FER: variants seen among roughly 807,000 people sequenced by gnomAD.
The protein encoded by FER is FER tyrosine kinase.
A neutral mutation model predicts 111.0 loss-of-function variants in FER; 63 were observed. That is an observed-to-expected ratio of 0.57 (90% CI 0.46 to 0.70). The LOEUF (loss-of-function observed/expected upper bound fraction) is 0.70, where lower values mean the gene tolerates loss of function less well. FER is among the 30% of genes least tolerant of loss of function. FER has a pLI of 0.00. For missense variants in FER, 914 were observed against 954.0 expected (o/e 0.96, Z 0.55); for synonymous variants, 327 against 313.9 (o/e 1.04, Z -0.44).
intron 13 of FER, among the ~76,000 whole-genome samples, chr5:109,031,658 T>C (rs1769634963): frequency 6.6e-6 from 1 of 152,234 alleles, no homozygotes; most frequent in Admixed American, 6.5e-5. Flanking sequence ...TTGCCTTCAC[T>C]CTTCTTGTGT....
intron 8 of FER, 141 bp downstream of exon 8, chr5:108,872,353 A>C: frequency 1.4e-6 from 1 of 718,520 alleles, no homozygotes; most frequent in Non-Finnish European, 2.1e-6. Flanking sequence ...TTTGAGAAAT[A>C]TGTTAATTTT....
intron 9 of FER, among the ~76,000 whole-genome samples, chr5:108,887,811 T>C (rs930000895): frequency 2.6e-5 from 4 of 151,786 alleles, no homozygotes; most frequent in Admixed American, 6.6e-5. Flanking sequence ...TTGACTTTTG[T>C]ATTAGAAAAA....
intron 10 of FER, among the ~76,000 whole-genome samples, chr5:108,939,244 A>T (rs190145073): frequency 3.6e-4 from 55 of 152,192 alleles, no homozygotes; most frequent in African/African-American, 1.1e-3. Context: ...ATATCAAAAG[A>T]TTTCTTTTCC....
At chr5:109,027,176 C>G (rs1465077396) in intron 13 of FER, among the ~76,000 whole-genome samples, 5 of 151,304 alleles carry the variant, frequency 3.3e-5, no homozygotes, top group Non-Finnish European at 5.9e-5. Flanking sequence ...TACCACTATC[C>G]CTTTGACCAG....
At chr5:109,026,513 G>T (rs1002786600) in intron 13 of FER, among the ~76,000 whole-genome samples, 1 of 151,942 alleles carries the variant, frequency 6.6e-6, no homozygotes, top group Non-Finnish European at 1.5e-5. Context: ...TTATAAAAAG[G>T]TTCTATGGCT....
At chr5:108,976,849 G>A (rs1256656156) in intron 13 of FER, among the ~76,000 whole-genome samples, 1 of 152,098 alleles carries the variant, frequency 6.6e-6, no homozygotes, top group Non-Finnish European at 1.5e-5. Context: ...TCAATCTATG[G>A]TGCATATCAA....
intron 2 of FER, among the ~76,000 whole-genome samples, chr5:108,785,753 T>C (rs114742969): frequency 1.3e-5 from 2 of 152,314 alleles, no homozygotes; most frequent in Non-Finnish European, 2.9e-5. Context: ...CTGGGAGGAA[T>C]TAGCCTGCAT....
chr5:109,190,919 G>A lies in FER; in HGVS notation c.*3344G>A, dbSNP rs1759331234. 6.6e-6 allele frequency: 1 copy of A among 151,942 alleles called. No individual in the cohort carries two copies. The highest frequency in any genetic ancestry group is 1.5e-5 in the Non-Finnish European group (1 of 67,962). The allele number at this position is 151,942 out of a possible 1,614,324, so 9.4% of individuals were successfully genotyped here. A position where few individuals can be genotyped will look rare whatever the true frequency, so the allele number is the denominator to read the frequency against. On this transcript the variant is annotated 3_prime_UTR_variant, in exon 20 of 20. Coordinates refer to ENST00000281092, the MANE Select transcript of FER (RefSeq NM_005246.4). Reference sequence around the variant, plus strand: ...TTGTTTTTCATTTTAGGATTATTTTGAGAAGAAAAAATGTTTTGTAATTGA... The same window carrying A: ...TTGTTTTTCATTTTAGGATTATTTTAAGAAGAAAAAATGTTTTGTAATTGA...
At chr5:109,111,252 C>G (rs1366287717) in intron 17 of FER, among the ~76,000 whole-genome samples, 1 of 151,900 alleles carries the variant, frequency 6.6e-6, no homozygotes, top group Admixed American at 6.6e-5. Flanking sequence ...TATTATTTAC[C>G]TAAGTGAATA....
intron 13 of FER, among the ~76,000 whole-genome samples, chr5:109,005,066 C>A (rs998707217): frequency 2.0e-5 from 3 of 151,968 alleles, no homozygotes; most frequent in African/African-American, 7.3e-5. Context: ...GATAAAGGGA[C>A]AAGAGGCAGA....
At chr5:109,102,657 T>C (rs1748390451) in intron 17 of FER, among the ~76,000 whole-genome samples, 2 of 152,220 alleles carry the variant, frequency 1.3e-5, no homozygotes, top group Admixed American at 6.5e-5. Flanking sequence ...ATCACTTTCA[T>C]TTAATTCTTC....
intron 10 of FER, among the ~76,000 whole-genome samples, chr5:108,929,094 A>G (rs1754196842): frequency 6.6e-6 from 1 of 152,148 alleles, no homozygotes; most frequent in African/African-American, 2.4e-5. Flanking sequence ...ACTGGGAAAG[A>G]GGAAAAGTAT....
chr5:108,949,441 A>T (rs535439418), intron 11 of FER, among the ~76,000 whole-genome samples: 1 of 152,124 alleles, frequency 6.6e-6, no homozygotes, highest in Non-Finnish European at 1.5e-5. Flanking sequence ...TTTTTGCATT[A>T]TATCACTCTC....
At chr5:109,145,996 A>G (rs10214383) in intron 17 of FER, among the ~76,000 whole-genome samples, 59,265 of 150,008 alleles carry the variant, frequency 0.4, 11,863 homozygotes, top group Non-Finnish European at 0.43. Context: ...GGTGATTTAC[A>G]TCTTATGGTA....
intron 17 of FER, among the ~76,000 whole-genome samples, chr5:109,125,484 G>A (rs1284287016): frequency 6.6e-6 from 1 of 152,072 alleles, no homozygotes. Context: ...TCTTCCTACT[G>A]CAGTCATATT....
intron 2 of FER, among the ~76,000 whole-genome samples, chr5:108,795,535 A>C (rs1189182055): frequency 6.6e-6 from 1 of 150,952 alleles, no homozygotes; most frequent in Admixed American, 6.6e-5. Context: ...GGCATGGTTT[A>C]TTCTCTTTTA....
At chr5:109,100,653 T>C in intron 17 of FER, 134 bp downstream of exon 17, 1 of 868,226 alleles carries the variant, frequency 1.2e-6, no homozygotes, top group Non-Finnish European at 1.7e-6. Flanking sequence ...TGTGTGAAAG[T>C]GTCCTCTGCT....
chr5:109,131,936 G>C (rs1179170154), intron 17 of FER, among the ~76,000 whole-genome samples: 1 of 152,056 alleles, frequency 6.6e-6, no homozygotes, highest in African/African-American at 2.4e-5. Flanking sequence ...TTAAAATTCA[G>C]GCTTTGCTAC....
At chr5:109,143,417 T>TA (rs1160464476) in intron 17 of FER, among the ~76,000 whole-genome samples, 1 of 152,172 alleles carries the variant, frequency 6.6e-6, no homozygotes, top group Non-Finnish European at 1.5e-5. Flanking sequence ...AACAGAACCC[T>TA]AACTAGGATC....
Sources: allele counts gnomAD v4.1 joint callset (sites outside exome capture counted in the v4.1 genomes callset), GRCh38; gene constraint gnomAD v4.1.1; transcripts MANE v1.5; gene names NCBI Gene and HGNC (gene_info 2026-07-23, HGNC 2026-07-21).